MID2: variants seen among roughly 807,000 people sequenced by gnomAD.
MID2 encodes the protein probable E3 ubiquitin-protein ligase MID2.
MID2 carries 13 observed loss-of-function variants against 46.1 expected under a neutral mutation model. That is an observed-to-expected ratio of 0.28 (90% CI 0.18 to 0.45). The LOEUF (loss-of-function observed/expected upper bound fraction) is 0.45, where lower values mean the gene tolerates loss of function less well. Ranked by LOEUF, MID2 falls within the 20% of genes least tolerant of loss-of-function variation. MID2 has a pLI of 1.00. For synonymous variants in MID2, 199 were observed against 212.3 expected (o/e 0.94, Z 0.55); for missense variants, 431 against 575.4 (o/e 0.75, Z 2.57).
At chrX:107,872,922 G>A (rs1304432941) in intron 3 of MID2, among the ~76,000 whole-genome samples, 1 of 111,730 alleles carries the variant, frequency 9.0e-6, no homozygotes, top group East Asian at 2.8e-4. Context: ...CTAACATGTA[G>A]TAGGGCTATG....
intron 3 of MID2, among the ~76,000 whole-genome samples, chrX:107,871,182 T>A (rs976921417): frequency 9.0e-6 from 1 of 111,721 alleles, no homozygotes; most frequent in Non-Finnish European, 1.9e-5. Flanking sequence ...CCTCTTTGAT[T>A]ACAAGGTTAT....
intron 1 of MID2, among the ~76,000 whole-genome samples, chrX:107,832,775 G>T (rs1027874459): frequency 8.9e-6 from 1 of 112,009 alleles, no homozygotes; most frequent in Non-Finnish European, 1.9e-5. Context: ...AGCCTCTTCT[G>T]TCTAGGTTTC....
At chrX:107,845,030 G>A (rs1446749799) in intron 2 of MID2, among the ~76,000 whole-genome samples, 1 of 111,541 alleles carries the variant, frequency 9.0e-6, no homozygotes, top group African/African-American at 3.3e-5. Flanking sequence ...GCTTGCTTTG[G>A]ATCTCATCTA....
chrX:107,912,880 C>G (rs1050704415), intron 5 of MID2, among the ~76,000 whole-genome samples: 5 of 111,354 alleles, frequency 4.5e-5, no homozygotes, highest in Middle Eastern at 4.2e-3. Context: ...CACCATTATG[C>G]ATTGTATTGT....
intron 5 of MID2, among the ~76,000 whole-genome samples, chrX:107,915,493 G>T (rs969128304): frequency 1.8e-5 from 2 of 109,783 alleles, no homozygotes; most frequent in Non-Finnish European, 3.8e-5. Context: ...GAGAGGCAGA[G>T]ATTGCAGTGA....
Position 107,922,037 on chromosome X carries a change from T to G in MID2, c.1436-2306T>G, listed in dbSNP as rs1004041390. Among the ~76,000 whole-genome samples, 4 of 112,021 alleles carry G rather than the reference T, an allele frequency of 3.6e-5. No individual in the cohort carries two copies. In the East Asian group the frequency reaches 8.4e-4, roughly 24 times the overall value. On this transcript the variant is annotated intron_variant, in intron 7 of 9. Transcript: ENST00000262843. Reference sequence around the variant, plus strand: ...TGTAAGCATATGCACACATATATAATAACACATGCATACATACTTTATATA... The same window carrying G: ...TGTAAGCATATGCACACATATATAAGAACACATGCATACATACTTTATATA...
At chrX:107,924,305 C>A (rs1375555728) in intron 7 of MID2, 38 bp from the exon 8 acceptor site, 1 of 1,160,166 alleles carries the variant, frequency 8.6e-7, no homozygotes, top group Non-Finnish European at 1.2e-6. Context: ...GTCTCTCTTA[C>A]CTGCTGGTTA....
At chrX:107,894,179 G>A (rs999078199) in intron 3 of MID2, among the ~76,000 whole-genome samples, 9 of 111,341 alleles carry the variant, frequency 8.1e-5, no homozygotes, top group Non-Finnish European at 1.5e-4. Flanking sequence ...CTCTCAGGCC[G>A]AGTATGGTGT....
intron 5 of MID2, among the ~76,000 whole-genome samples, chrX:107,907,098 T>C (rs1932842437): frequency 8.9e-6 from 1 of 112,031 alleles, no homozygotes; most frequent in Admixed American, 9.5e-5. Context: ...ACCAACCTGA[T>C]AAAGTCCTAA....
At chrX:107,925,766 G>A (rs1040428867) in intron 8 of MID2, among the ~76,000 whole-genome samples, 2 of 111,353 alleles carry the variant, frequency 1.8e-5, no homozygotes, top group African/African-American at 6.5e-5. Flanking sequence ...TATATGATGT[G>A]GGGGACAGCT....
intron 3 of MID2, among the ~76,000 whole-genome samples, chrX:107,891,065 G>T (rs990542649): frequency 1.8e-5 from 2 of 109,832 alleles, no homozygotes; most frequent in African/African-American, 6.6e-5. Flanking sequence ...GAGCTTCCTG[G>T]GTGAGGCGAT....
chrX:107,889,514 T>C (rs1295233568), intron 3 of MID2, among the ~76,000 whole-genome samples: 1 of 111,793 alleles, frequency 8.9e-6, no homozygotes, highest in Non-Finnish European at 1.9e-5. Context: ...GGGCTTCCCT[T>C]TGTGGGACCC....
chrX:107,896,385 T>TA (rs760814350), intron 3 of MID2: 6 of 111,964 alleles, frequency 5.4e-5, no homozygotes, highest in African/African-American at 1.9e-4. Context: ...AATAAACAGT[T>TA]ACTTTGCTTA....
chrX:107,911,431 A>C (rs1932896096), intron 5 of MID2, among the ~76,000 whole-genome samples: 1 of 111,688 alleles, frequency 9.0e-6, no homozygotes, highest in Non-Finnish European at 1.9e-5. Context: ...CTTCTATTGA[A>C]ATTTTAATTT....
chrX:107,928,550 A>G lies in MID2; in HGVS notation c.*1477A>G, dbSNP rs1000493375. ...AAATTACAAAGTGGTAGCCATAACAACTCCCTCAGATTGGAGACTTGAAAT... is the reference window on the plus strand; with the variant it reads ...AAATTACAAAGTGGTAGCCATAACAGCTCCCTCAGATTGGAGACTTGAAAT... On this transcript the variant is annotated 3_prime_UTR_variant, in exon 10 of 10. Coordinates refer to ENST00000262843, the MANE Select transcript of MID2 (RefSeq NM_012216.4). Among the ~76,000 whole-genome samples the G allele has an allele frequency of 9.0e-6, 1 of 110,824 alleles. No individual in the cohort carries two copies. The highest frequency in any genetic ancestry group is 3.9e-4 in the South Asian group (1 of 2,590).
At chrX:107,885,480 C>T (rs1003140716) in intron 3 of MID2, among the ~76,000 whole-genome samples, 3 of 111,292 alleles carry the variant, frequency 2.7e-5, no homozygotes, top group Admixed American at 9.5e-5. Context: ...CATAGTATTC[C>T]GTGGTGTATA....
Position 107,883,005 on chromosome X carries a change from G to A in MID2, c.817-20953G>A, listed in dbSNP as rs1442106706. 4.5e-5 allele frequency among the ~76,000 whole-genome samples: 5 copies of A among 111,855 alleles called. No homozygotes were observed. In the East Asian group the frequency reaches 8.3e-4, roughly 19 times the overall value. ...AGAAAACGTGGCACATATACACCGTGGAATACTATGCAGCCATAAAAAAGT... is the reference window on the plus strand; with the variant it reads ...AGAAAACGTGGCACATATACACCGTAGAATACTATGCAGCCATAAAAAAGT... On this transcript the variant is annotated intron_variant, in intron 3 of 9. Coordinates refer to ENST00000262843, the MANE Select transcript of MID2 (RefSeq NM_012216.4).
At chrX:107,881,270 G>C (rs894621258) in intron 3 of MID2, among the ~76,000 whole-genome samples, 22 of 112,778 alleles carry the variant, frequency 2.0e-4, no homozygotes, top group African/African-American at 7.1e-4. Flanking sequence ...CAAAATTGGT[G>C]AAGGTCATCC....
At chrX:107,899,751 C>T (rs1462304165) in intron 3 of MID2, among the ~76,000 whole-genome samples, 1 of 110,831 alleles carries the variant, frequency 9.0e-6, no homozygotes, top group Admixed American at 9.6e-5. Flanking sequence ...ATTTTTTTTC[C>T]ACAGACATAA....
Sources: allele counts gnomAD v4.1 joint callset (sites outside exome capture counted in the v4.1 genomes callset), GRCh38; gene constraint gnomAD v4.1.1; transcripts MANE v1.5; gene names NCBI Gene and HGNC (gene_info 2026-07-23, HGNC 2026-07-21).